SMCO1: variants seen among roughly 807,000 people sequenced by gnomAD.
SMCO1 encodes the protein single-pass membrane protein with coiled-coil domains 1.
In SMCO1, 9 loss-of-function variants were observed where a neutral mutation model predicts 7.5. The ratio of observed to expected loss-of-function variants is 1.20; its 90% CI spans 0.72 to 2.09. The LOEUF (loss-of-function observed/expected upper bound fraction) is 2.09. SMCO1 is among the 30% of genes most tolerant of loss of function. The probability of loss-of-function intolerance (pLI) is 0.00; values close to 1 mark genes in which losing one functional copy is unlikely to be tolerated. For missense variants in SMCO1, 219 were observed against 253.1 expected (o/e 0.87, Z 0.91); for synonymous variants, 90 against 93.8 (o/e 0.96, Z 0.23).
At chr3:196,512,298 T>G (rs1298723513) in intron 1 of SMCO1, among the ~76,000 whole-genome samples, 1 of 152,192 alleles carries the variant, frequency 6.6e-6, no homozygotes, top group African/African-American at 2.4e-5. Flanking sequence ...GAAACATGCC[T>G]GGGCCACCTA....
chr3:196,509,555 GGCT>G lies in SMCO1; in HGVS notation c.162_164del (p.Ala55del), dbSNP rs557341958. On this transcript the variant is annotated inframe_deletion, in exon 2 of 3. Coordinates refer to ENST00000397537, the MANE Select transcript of SMCO1 (RefSeq NM_001077657.3). ...GAACTGCTGTCCACATCTCATCTTGGGCTGCTTGGCTTGCCAAAGCCTTACTAT... is the reference window on the plus strand; with the variant it reads ...GAACTGCTGTCCACATCTCATCTTGGGCTTGGCTTGCCAAAGCCTTACTAT... 23 of 1,613,774 alleles carry G rather than the reference GGCT, an allele frequency of 1.4e-5. No individual in the cohort carries two copies. Among genetic ancestry groups the G allele is most frequent in the Non-Finnish European group, 1.9e-5 (23 of 1,179,944 alleles).
At chr3:196,516,016 TATATA>T (rs2108664680), upstream of SMCO1, among the ~76,000 whole-genome samples, 1 of 98,492 alleles carries the variant, frequency 1.0e-5, no homozygotes. Flanking sequence ...TATATATATA[TATATA>T]TATATATATA....
chr3:196,519,956 C>T (rs147346104), upstream of SMCO1, among the ~76,000 whole-genome samples: 191 of 152,238 alleles, frequency 1.3e-3, 1 homozygote, highest in African/African-American at 4.4e-3. Flanking sequence ...CTCCCACTGT[C>T]TTCTTCTCCA....
intron 1 of SMCO1, among the ~76,000 whole-genome samples, chr3:196,513,492 G>A (rs750095584): frequency 4.6e-5 from 7 of 152,012 alleles, no homozygotes; most frequent in African/African-American, 7.2e-5. Flanking sequence ...AGCCGGGTGT[G>A]GTGATGCACA....
intron 1 of SMCO1, among the ~76,000 whole-genome samples, chr3:196,509,925 T>G (rs1286432542): frequency 6.6e-6 from 1 of 152,180 alleles, no homozygotes; most frequent in African/African-American, 2.4e-5. Flanking sequence ...ACTTTTGAAT[T>G]GTCTAATTAT....
intron 1 of SMCO1, among the ~76,000 whole-genome samples, chr3:196,514,028 C>T (rs1733319356): frequency 6.6e-6 from 1 of 152,192 alleles, no homozygotes; most frequent in Non-Finnish European, 1.5e-5. Flanking sequence ...AGTTTCTCAT[C>T]ATCTTTCACT....
At position 196,507,542 on chromosome 3, in the gene SMCO1, G is replaced by A. The variant is rs1733079856; in HGVS notation, c.*345C>T. 6.6e-6 allele frequency: 1 copy of A among 152,354 alleles called. No homozygotes were observed. Among genetic ancestry groups the A allele is most frequent in the Non-Finnish European group, 1.5e-5 (1 of 68,382 alleles). The allele number at this position is 152,354 out of a possible 1,614,324, so 9.4% of individuals were successfully genotyped here. Reference sequence around the variant, plus strand: ...TGACAACTAATGTTATCACTGTCTTGTGTATCTCTGCAGAAGAAGTTTATG... The same window carrying A: ...TGACAACTAATGTTATCACTGTCTTATGTATCTCTGCAGAAGAAGTTTATG... On this transcript the variant is annotated 3_prime_UTR_variant, in exon 3 of 3. Transcript: ENST00000397537.
intron 2 of SMCO1, 37 bp downstream of exon 2, chr3:196,509,483 G>A (rs1189426868): frequency 6.4e-7 from 1 of 1,571,564 alleles, no homozygotes; most frequent in East Asian, 2.3e-5. Context: ...CTCTCACAAA[G>A]CCACAGAATC....
Position 196,509,507 on chromosome 3 carries a change from A to G in SMCO1, c.200+13T>C. On this transcript the variant is annotated intron_variant, in intron 2 of 2. Transcript: ENST00000397537. The stretch of plus-strand genomic sequence containing the variant: ...AGCCACAGAATCCCACTGATTTCTC[A>G]ATTGATACTCACTGGAGTGCCCGAA... The G allele has an allele frequency of 1.3e-6, 2 of 1,598,396 alleles. No homozygotes were observed. The highest frequency in any genetic ancestry group is 1.7e-6 in the Non-Finnish European group (2 of 1,169,020).
upstream of SMCO1, among the ~76,000 whole-genome samples, chr3:196,517,541 C>A (rs1445179614): frequency 6.6e-6 from 1 of 152,006 alleles, no homozygotes; most frequent in Non-Finnish European, 1.5e-5. Flanking sequence ...AGCTCTACAG[C>A]ACCCTCCACC....
At chr3:196,508,705 G>A (rs1447600311) in intron 2 of SMCO1, among the ~76,000 whole-genome samples, 1 of 151,208 alleles carries the variant, frequency 6.6e-6, no homozygotes, top group African/African-American at 2.4e-5. Flanking sequence ...GGGAGGACGA[G>A]GTGGTTGGAT....
intron 1 of SMCO1, among the ~76,000 whole-genome samples, chr3:196,513,627 CAAAA>C (rs63105160): frequency 2.1e-5 from 2 of 93,770 alleles, no homozygotes; most frequent in Admixed American, 1.3e-4. Context: ...GACTCTGTCT[CAAAA>C]AAAAAAAAAA....
upstream of SMCO1, among the ~76,000 whole-genome samples, chr3:196,518,657 G>T (rs1282173115): frequency 6.6e-6 from 1 of 152,040 alleles, no homozygotes; most frequent in East Asian, 1.9e-4. Context: ...TCATTTTTGG[G>T]GGCTCATCCG....
chr3:196,519,802 G>A (rs868820184), upstream of SMCO1, among the ~76,000 whole-genome samples: 21 of 152,284 alleles, frequency 1.4e-4, no homozygotes, highest in South Asian at 2.5e-3. Context: ...AGAGAACTAG[G>A]ATAGCATGGG....
At chr3:196,518,417 G>A (rs1036586871), upstream of SMCO1, among the ~76,000 whole-genome samples, 13 of 152,100 alleles carry the variant, frequency 8.5e-5, no homozygotes, top group South Asian at 2.1e-4. Context: ...TAATTTTCTC[G>A]GCATGTGACA....
In SMCO1 at chr3:196,508,061, C is replaced by T; in HGVS notation, c.471G>A (p.Val157=). ...TGACATCCCTGATGTACATCTGCCT[C>T]ACTTTAGCAGTATAGTGTTCTGCCT... ...GNKAEHYTAK[V]RQMYIRDVTF... is the part of the protein sequence containing the mutation. Residue 157 remains valine, a synonymous_variant, in exon 3 of 3, where the codon GTG becomes GTA. Transcript: ENST00000397537. 6.2e-7 allele frequency: 1 copy of T among 1,614,206 alleles called. No homozygotes were observed.
rs559733550 is a variant in SMCO1 at position 196,508,149 on chromosome 3, T to G, written c.383A>C (p.Glu128Ala). The change falls in exon 3 of 3, where the codon GAG becomes GCG. Residue 128 changes from glutamate (E) to alanine (A), a missense_variant. Coordinates refer to ENST00000397537, the MANE Select transcript of SMCO1 (RefSeq NM_001077657.3). ...VRVVWESILEECGLQEGDITA... is the reference protein window; with the variant it reads ...VRVVWESILEACGLQEGDITA... ...GATGTCTCCTTCTTGCAGCCCACAC[T>G]CCTCCAGTATGGACTCCCATACAAC... 5 of 1,614,144 alleles carry G rather than the reference T, an allele frequency of 3.1e-6. No homozygotes were observed. The South Asian group carries it at 4.4e-5, about 14-fold the overall frequency.
chr3:196,515,404 A>G (rs1446510331), upstream of SMCO1: 1 of 572,550 alleles, frequency 1.7e-6, no homozygotes, highest in Non-Finnish European at 3.1e-6. Flanking sequence ...TATAGTTTCA[A>G]AGAACTTATC....
intron 1 of SMCO1, among the ~76,000 whole-genome samples, chr3:196,511,792 A>C (rs1733241457): frequency 7.4e-6 from 1 of 136,018 alleles, no homozygotes; most frequent in Non-Finnish European, 1.5e-5. Flanking sequence ...GGCCGCCTAG[A>C]TTGTCGTTAT....
Sources: allele counts gnomAD v4.1 joint callset (sites outside exome capture counted in the v4.1 genomes callset), GRCh38; gene constraint gnomAD v4.1.1; transcripts MANE v1.5; gene names NCBI Gene and HGNC (gene_info 2026-07-23, HGNC 2026-07-21).